CSRNP1: variants seen among roughly 807,000 people sequenced by gnomAD.
CSRNP1 encodes cysteine/serine-rich nuclear protein 1.
CSRNP1 carries 8 observed loss-of-function variants against 25.0 expected under a neutral mutation model. The observed-to-expected ratio is 0.32, with a 90% CI of 0.19 to 0.58. The LOEUF (loss-of-function observed/expected upper bound fraction) is 0.58. CSRNP1 is among the 20% of genes least tolerant of loss of function. The pLI, the probability that CSRNP1 is intolerant of heterozygous loss-of-function variation, is 0.88. For missense variants in CSRNP1, 691 were observed against 773.1 expected, an observed-to-expected ratio of 0.89 and a Z score of 1.26; for synonymous variants, 305 against 303.1, an observed-to-expected ratio of 1.01 and a Z score of -0.06.
At chr3:39,144,586 C>G in intron 3 of CSRNP1, 135 bp from the exon 4 acceptor site, 1 of 847,448 alleles carries the variant, frequency 1.2e-6, no homozygotes, top group Admixed American at 2.9e-5. Context: ...CACTGTGTGT[C>G]AGACAGTGAA....
At chr3:39,145,688 A>G (rs939869836) in intron 2 of CSRNP1, among the ~76,000 whole-genome samples, 5 of 152,252 alleles carry the variant, frequency 3.3e-5, no homozygotes, top group African/African-American at 1.2e-4. Context: ...AACCATAGCA[A>G]ATTACCATGT....
chr3:39,153,161 G>A (rs2039608110), intron 1 of CSRNP1: 2 of 152,388 alleles, frequency 1.3e-5, no homozygotes, highest in South Asian at 4.0e-4. Context: ...GCCCGGCTCT[G>A]TCCCCACTCG....
At position 39,142,830 on chromosome 3, in the gene CSRNP1, C is replaced by G; in HGVS notation, c.*225G>C. ...AAGAGCAAGCTGTGGGTGTGGGGGG[C>G]CGGGCAGCTGAAAGGGGAAGCCCCC... On this transcript the variant is annotated 3_prime_UTR_variant, in exon 5 of 5. Transcript: ENST00000273153. The G allele has an allele frequency of 2.3e-6, 1 of 437,352 alleles. No individual in the cohort carries two copies. Among genetic ancestry groups the G allele is most frequent in the Non-Finnish European group, 4.0e-6 (1 of 249,098 alleles). The allele number at this position is 437,352 out of a possible 1,614,324, so 27.1% of individuals were successfully genotyped here. A position where few individuals can be genotyped will look rare whatever the true frequency, so the allele number is the denominator to read the frequency against.
chr3:39,147,919 G>C (rs1661021354), intron 1 of CSRNP1, among the ~76,000 whole-genome samples: 1 of 152,084 alleles, frequency 6.6e-6, no homozygotes, highest in South Asian at 2.1e-4. Context: ...CCCAGTGCTG[G>C]GGAACCCTTC....
chr3:39,151,505 G>C (rs1224778959), intron 1 of CSRNP1: 1 of 152,556 alleles, frequency 6.6e-6, no homozygotes, highest in East Asian at 1.9e-4. Context: ...CACCTCAGCA[G>C]TCCTACCAGT....
intron 3 of CSRNP1, 107 bp from the exon 4 acceptor site, chr3:39,144,558 T>A: frequency 9.1e-7 from 1 of 1,098,388 alleles, no homozygotes; most frequent in Non-Finnish European, 1.3e-6. Context: ...CCACTACTCG[T>A]GCTTAATCTG....
intron 1 of CSRNP1, chr3:39,149,555 C>G (rs2039556713): frequency 6.6e-6 from 1 of 152,308 alleles, no homozygotes; most frequent in Non-Finnish European, 1.5e-5. Context: ...CCCTCTTTCC[C>G]CAGCCATTCT....
intron 1 of CSRNP1, chr3:39,153,154 C>G (rs1468997492): frequency 6.6e-6 from 1 of 152,378 alleles, no homozygotes; most frequent in Non-Finnish European, 1.5e-5. Context: ...CGCGCAAGCC[C>G]GGCTCTGTCC....
Position 39,144,172 on chromosome 3 carries a change from T to C in CSRNP1, c.745A>G (p.Thr249Ala). ...CHCDRICDPE[T>A]CSCSLAGIKC... The stretch of plus-strand genomic sequence containing the variant: ...ATGCCTGCCAGGCTGCAGCTGCAGG[T>C]CTCAGGGTCGCAGATCCTATCGCAG... The change falls in exon 4 of 5, where the codon ACC (threonine) becomes GCC (alanine). Residue 249 changes from threonine (T) to alanine (A), a missense_variant. Coordinates refer to ENST00000273153, the MANE Select transcript of CSRNP1 (RefSeq NM_033027.4). 6.2e-7 allele frequency: 1 copy of C among 1,613,950 alleles called. No homozygotes were observed. The highest frequency in any genetic ancestry group is 8.5e-7 in the Non-Finnish European group (1 of 1,179,932).
rs1053118513 is a variant in CSRNP1 at position 39,143,051 on chromosome 3, G to C, written c.*4C>G. The C allele has an allele frequency of 6.4e-7, 1 of 1,551,806 alleles. No homozygotes were observed. The highest frequency in any genetic ancestry group is 8.7e-7 in the Non-Finnish European group (1 of 1,147,902). ...CTTGGGGCTGGGAAAAGACATCCTGGTCCTCACACCGGCACAGGCTCCATT... is the reference window on the plus strand; with the variant it reads ...CTTGGGGCTGGGAAAAGACATCCTGCTCCTCACACCGGCACAGGCTCCATT... On this transcript the variant is annotated 3_prime_UTR_variant, in exon 5 of 5. Coordinates refer to ENST00000273153, the MANE Select transcript of CSRNP1 (RefSeq NM_033027.4).
At chr3:39,144,574 G>T in intron 3 of CSRNP1, 123 bp from the exon 4 acceptor site, 1 of 942,366 alleles carries the variant, frequency 1.1e-6, no homozygotes, top group Non-Finnish European at 1.6e-6. Context: ...ATCTGCGATG[G>T]GCACTGTGTG....
At position 39,146,615 on chromosome 3, in the gene CSRNP1, G is replaced by C. The variant is rs1191533266; in HGVS notation, c.68C>G (p.Ser23Cys). ...GCGAGACTGGCACCCAGAGGAAGAG[G>C]AGGAGGAGGAGACCGAGGAGTTGTC... ...DEDNSSVSSS[S>C]SSSGCQSRSC... The change falls in exon 2 of 5, where the codon TCC (serine) becomes TGC (cysteine). Residue 23 changes from serine to cysteine, a missense_variant. By Grantham distance (112) the Ser-to-Cys change is moderately radical. Coordinates refer to ENST00000273153, the MANE Select transcript of CSRNP1 (RefSeq NM_033027.4). 3 of 1,571,712 alleles carry C rather than the reference G, an allele frequency of 1.9e-6. No homozygotes were observed. In the African/African-American group the frequency reaches 4.1e-5, roughly 21 times the overall value.
At chr3:39,146,787 A>T (rs2039519927) in intron 1 of CSRNP1, 65 bp from the exon 2 acceptor site, 5 of 1,495,754 alleles carry the variant, frequency 3.3e-6, no homozygotes, top group Non-Finnish European at 4.4e-6. Context: ...TCCAGCCAGG[A>T]TCATCATCCC....
intron 2 of CSRNP1, among the ~76,000 whole-genome samples, chr3:39,145,511 A>G (rs562077664): frequency 2.5e-4 from 38 of 152,330 alleles, no homozygotes; most frequent in African/African-American, 8.7e-4. Context: ...AAGATTAAAC[A>G]TCTTTCCTAT....
rs2125884138 is a variant in CSRNP1 at position 39,142,951 on chromosome 3, G to A, written c.*104C>T. On this transcript the variant is annotated 3_prime_UTR_variant, in exon 5 of 5. Coordinates refer to ENST00000273153, the MANE Select transcript of CSRNP1 (RefSeq NM_033027.4). ...CAGGAGTGTGCACATGGCACCTGTG[G>A]GTGAGCCAGCCAGTGGGAGACTGTT... 4 of 1,331,378 alleles carry A rather than the reference G, an allele frequency of 3.0e-6. No individual in the cohort carries two copies. Among genetic ancestry groups the A allele is most frequent in the Admixed American group, 2.3e-5 (1 of 43,346 alleles). The allele number at this position is 1,331,378 out of a possible 1,614,324, so 82.5% of individuals were successfully genotyped here. A position where few individuals can be genotyped will look rare whatever the true frequency, so the allele number is the denominator to read the frequency against.
Position 39,142,883 on chromosome 3 carries a change from A to G in CSRNP1, c.*172T>C, listed in dbSNP as rs1326097246. 1.3e-5 allele frequency: 10 copies of G among 787,168 alleles called. No individual in the cohort carries two copies. The highest frequency in any genetic ancestry group is 1.2e-4 in the African/African-American group (7 of 57,394). 48.8% of individuals were successfully genotyped at this position (787,168 alleles called of 1,614,324 possible). A position where few individuals can be genotyped will look rare whatever the true frequency, so the allele number is the denominator to read the frequency against. ...CCCCCAGTCCTCTCTTCAGCACAGA[A>G]AAGTTAAAACAAATAAATAAATCCA... On this transcript the variant is annotated 3_prime_UTR_variant, in exon 5 of 5. Transcript: ENST00000273153.
In CSRNP1 at chr3:39,142,059, CAAA is replaced by C; in HGVS notation, c.*993_*995del. Reference sequence around the variant, plus strand: ...TGATGCAAAATTAAACATTAGCAAACAAAGGGTATAAAAACCCTCAGGAGCCAC... The same window carrying C: ...TGATGCAAAATTAAACATTAGCAAACGGGTATAAAAACCCTCAGGAGCCAC... On this transcript the variant is annotated 3_prime_UTR_variant, in exon 5 of 5. Coordinates refer to ENST00000273153, the MANE Select transcript of CSRNP1 (RefSeq NM_033027.4). 1 of 152,790 alleles carries C rather than the reference CAAA, an allele frequency of 6.5e-6. No homozygotes were observed. The highest frequency in any genetic ancestry group is 2.4e-5 in the African/African-American group (1 of 41,582). The allele number at this position is 152,790 out of a possible 1,614,324, so 9.5% of individuals were successfully genotyped here.
rs200794258 is a variant in CSRNP1 at position 39,143,647 on chromosome 3, C to G, written c.1178G>C (p.Arg393Pro). ...QPGVDDDSLA[R>P]ILSFSDSDFG... ...GTCAGAGTCACTGAAACTCAAGATGCGTGCCAGGCTGTCATCATCAACGCC... is the reference window on the plus strand; with the variant it reads ...GTCAGAGTCACTGAAACTCAAGATGGGTGCCAGGCTGTCATCATCAACGCC... Residue 393 changes from arginine (R) to proline (P), a missense_variant, in exon 5 of 5, where the codon CGC (arginine) becomes CCC (proline). Transcript: ENST00000273153. 6.2e-7 allele frequency: 1 copy of G among 1,614,194 alleles called. No individual in the cohort carries two copies. Among genetic ancestry groups the G allele is most frequent in the Non-Finnish European group, 8.5e-7 (1 of 1,180,038 alleles).
intron 1 of CSRNP1, chr3:39,148,156 C>G (rs2039542454): frequency 1.3e-5 from 2 of 152,334 alleles, no homozygotes; most frequent in Admixed American, 1.3e-4. Context: ...GAAAATCTCC[C>G]TCCCCAGCCA....
Sources: gnomAD v4.1 joint callset for allele counts (sites outside exome capture counted in the v4.1 genomes callset) on GRCh38, gnomAD v4.1.1 for gene constraint, MANE v1.5 for transcripts, NCBI Gene and HGNC (gene_info 2026-07-23, HGNC 2026-07-21) for gene names.